SI: variants seen among roughly 807,000 people sequenced by gnomAD.
The protein encoded by SI is sucrase-isomaltase, intestinal.
In SI, 235 loss-of-function variants were observed where a neutral mutation model predicts 253.3. The ratio of observed to expected loss-of-function variants is 0.93; its 90% CI spans 0.83 to 1.03. The LOEUF (loss-of-function observed/expected upper bound fraction) is 1.03. Ranked by LOEUF, SI falls within the 50% of genes least tolerant of loss-of-function variation. SI has a pLI of 0.00. For missense variants in SI, 2,442 were observed against 2,211.1 expected, an observed-to-expected ratio of 1.10 and a Z score of -2.09; for synonymous variants, 819 against 712.0, an observed-to-expected ratio of 1.15 and a Z score of -2.39.
At chr3:165,035,154 A>G (rs948180375) in intron 22 of SI, among the ~76,000 whole-genome samples, 2 of 152,054 alleles carry the variant, frequency 1.3e-5, no homozygotes, top group African/African-American at 4.8e-5. Flanking sequence ...ATTATGTTTT[A>G]GATTTTTATT....
rs762824020 is a variant in SI at position 165,049,178 on chromosome 3, T to C, written c.1664A>G (p.Gln555Arg). 6.2e-7 allele frequency: 1 copy of C among 1,612,654 alleles called. No homozygotes were observed. The highest frequency in any genetic ancestry group is 1.1e-5 in the South Asian group (1 of 91,048). The change falls in exon 15 of 48, where the codon CAG becomes CGG. Residue 555 changes from glutamine to arginine, a missense_variant. Transcript: ENST00000264382. ...TCCATAGAGGCTATGAACATCATAC[T>C]GTTTACCCCAGTTCTGCACAGCATC... is the stretch of plus-strand genomic sequence containing the variant. ...CMDAVQNWGKQYDVHSLYGYS... is the reference protein window; with the variant it reads ...CMDAVQNWGKRYDVHSLYGYS...
intron 33 of SI, among the ~76,000 whole-genome samples, chr3:165,014,546 G>T (rs1231109174): frequency 1.3e-5 from 2 of 152,064 alleles, no homozygotes; most frequent in East Asian, 3.9e-4. Context: ...ACCACGCCTG[G>T]CCCTCATCAT....
At position 165,015,207 on chromosome 3, in the gene SI, T is replaced by A; in HGVS notation, c.3915A>T (p.Thr1305=). 1 of 1,613,386 alleles carries A rather than the reference T, an allele frequency of 6.2e-7. No individual in the cohort carries two copies. Among genetic ancestry groups the A allele is most frequent in the Non-Finnish European group, 8.5e-7 (1 of 1,179,534 alleles). The change falls in exon 33 of 48, where the codon ACA becomes ACT. Residue 1305 remains threonine, a synonymous_variant. Coordinates refer to ENST00000264382, the MANE Select transcript of SI (RefSeq NM_001041.4). The stretch of plus-strand genomic sequence containing the variant: ...CTCTTTCAAATGCAGGGTAAGTCTT[T>A]GTTTCATTTCCTGAAATTGCTGGAT... ...ILDPAISGNE[T]KTYPAFERGQ... is the part of the protein sequence containing the mutation.
chr3:165,002,638 C>T (rs1718307702), intron 37 of SI, among the ~76,000 whole-genome samples: 1 of 151,634 alleles, frequency 6.6e-6, no homozygotes, highest in Admixed American at 6.6e-5. Context: ...AGACTTTACT[C>T]TTCATAATTT....
intron 7 of SI, 78 bp downstream of exon 7, chr3:165,065,183 G>A: frequency 1.1e-6 from 1 of 913,390 alleles, no homozygotes; most frequent in Non-Finnish European, 1.8e-6. Context: ...TAAAATAAAT[G>A]CTGTTTTCAA....
In SI at chr3:165,039,953, G is replaced by A; in HGVS notation, c.2178C>T (p.Asn726=). 1 of 1,612,606 alleles carries A rather than the reference G, an allele frequency of 6.2e-7. No homozygotes were observed. The highest frequency in any genetic ancestry group is 8.5e-7 in the Non-Finnish European group (1 of 1,178,866). ...PVLHEFYEDT[N]SWIEDTEFLW... ...AAAACTCAGTGTCCTCAATCCAGCT[G>A]TTCGTATCCTCATAAAACCTAAGAA... Residue 726 remains asparagine, a synonymous_variant, in exon 19 of 48, where the codon AAC becomes AAT. Coordinates refer to ENST00000264382, the MANE Select transcript of SI (RefSeq NM_001041.4).
In SI at chr3:165,015,105, A is replaced by G; in HGVS notation, c.3999+18T>C. The G allele has an allele frequency of 6.5e-7, 1 of 1,549,760 alleles. No homozygotes were observed. The highest frequency in any genetic ancestry group is 8.9e-7 in the Non-Finnish European group (1 of 1,121,942). ...ATAATTTTTGTATTTATTCTATTTC[A>G]AGATATCGATTTAGTACCTTTGCCC... On this transcript the variant is annotated intron_variant, in intron 33 of 47. Coordinates refer to ENST00000264382, the MANE Select transcript of SI (RefSeq NM_001041.4).
Position 165,039,945 on chromosome 3 carries a change from A to G in SI, c.2186T>C (p.Ile729Thr), listed in dbSNP as rs1404444147. Residue 729 changes from isoleucine (I) to threonine (T), a missense_variant, in exon 19 of 48, where the codon ATT becomes ACT. Physicochemically the swap from Ile to Thr is moderately conservative, Grantham distance 89 (BLOSUM62 -1). Transcript: ENST00000264382. ...HEFYEDTNSW[I>T]EDTEFLWGPA... ...GCCCCACAAAAACTCAGTGTCCTCA[A>G]TCCAGCTGTTCGTATCCTCATAAAA... 2 of 1,613,146 alleles carry G rather than the reference A, an allele frequency of 1.2e-6. No individual in the cohort carries two copies. The highest frequency in any genetic ancestry group is 1.7e-6 in the Non-Finnish European group (2 of 1,179,400).
intron 3 of SI, among the ~76,000 whole-genome samples, chr3:165,070,721 A>G (rs1039115657): frequency 2.4e-4 from 37 of 152,250 alleles, no homozygotes; most frequent in African/African-American, 7.9e-4. Flanking sequence ...AATTAAAAAT[A>G]TATAGTAAAA....
At chr3:165,063,398 T>C in intron 8 of SI, 44 bp downstream of exon 8, 1 of 906,382 alleles carries the variant, frequency 1.1e-6, no homozygotes, top group South Asian at 1.4e-5. Context: ...TTAAAACATT[T>C]CAAGTGAAAT....
At position 165,063,464 on chromosome 3, in the gene SI, A is replaced by T. The variant is rs141754766; in HGVS notation, c.885T>A (p.Phe295Leu). The T allele has an allele frequency of 6.5e-7, 1 of 1,534,768 alleles. No individual in the cohort carries two copies. The highest frequency in any genetic ancestry group is 1.1e-5 in the South Asian group (1 of 88,480). ...TACCCATTGCATTGCTATTCATTAA[A>T]AAAACACCGAATGACTTTCCAGATG... ...EDTSGKSFGV[F>L]LMNSNAMEIF... The change falls in exon 8 of 48, where the codon TTT becomes TTA. Residue 295 changes from phenylalanine (F) to leucine (L), a missense_variant. Physicochemically the swap from Phe to Leu is conservative, Grantham distance 22. Transcript: ENST00000264382.
In SI at chr3:165,072,976, T is replaced by G. The variant is rs192748811; in HGVS notation, c.255+1555A>C. 1.5e-4 allele frequency among the ~76,000 whole-genome samples: 23 copies of G among 152,266 alleles called. 1 individual carries two copies. Among genetic ancestry groups the G allele is most frequent in the African/African-American group, 4.8e-4 (20 of 41,568 alleles). On this transcript the variant is annotated intron_variant, in intron 3 of 47. Coordinates refer to ENST00000264382, the MANE Select transcript of SI (RefSeq NM_001041.4). The stretch of plus-strand genomic sequence containing the variant: ...AAGCATAAATATATTGGCTGAAGTT[T>G]AACTTGCTTACTTCACAAATATAGT...
intron 3 of SI, among the ~76,000 whole-genome samples, chr3:165,071,897 G>A (rs138603595): frequency 1.5e-3 from 231 of 152,206 alleles, no homozygotes; most frequent in African/African-American, 5.2e-3. Flanking sequence ...TATTGTTTAA[G>A]CTGCCCATTC....
At chr3:165,026,331 A>G (rs771081998) in intron 25 of SI, among the ~76,000 whole-genome samples, 17 of 151,438 alleles carry the variant, frequency 1.1e-4, no homozygotes, top group Non-Finnish European at 1.9e-4. Flanking sequence ...CAAATTTATA[A>G]AACAATTACT....
intron 37 of SI, among the ~76,000 whole-genome samples, chr3:165,001,777 T>G (rs1418888749): frequency 6.6e-6 from 1 of 151,420 alleles, no homozygotes; most frequent in Non-Finnish European, 1.5e-5. Flanking sequence ...AGGTATACTG[T>G]GTTTGTTTTT....
chr3:164,994,098 C>A (rs912512304), intron 41 of SI, among the ~76,000 whole-genome samples, 159 bp downstream of exon 41: 5 of 151,558 alleles, frequency 3.3e-5, no homozygotes, highest in Non-Finnish European at 1.5e-5. Context: ...TATTAATGGA[C>A]ATATTTGTGT....
intron 25 of SI, among the ~76,000 whole-genome samples, chr3:165,028,543 T>A (rs1255010595): frequency 1.3e-5 from 2 of 151,534 alleles, no homozygotes; most frequent in Non-Finnish European, 3.0e-5. Flanking sequence ...CAAACTATAC[T>A]ATAAAGCCAT....
intron 34 of SI, among the ~76,000 whole-genome samples, 192 bp downstream of exon 34, chr3:165,012,788 C>T (rs1718830741): frequency 6.6e-6 from 1 of 151,998 alleles, no homozygotes; most frequent in Non-Finnish European, 1.5e-5. Context: ...TATAAAATTG[C>T]TTAATAGGGT....
chr3:165,055,414 A>T, intron 12 of SI, 107 bp from the exon 13 acceptor site: 1 of 684,298 alleles, frequency 1.5e-6, no homozygotes, highest in Non-Finnish European at 2.5e-6. Flanking sequence ...AAGTTATTCT[A>T]CTTCTTTAGG....
Sources: allele counts gnomAD v4.1 joint callset (sites outside exome capture counted in the v4.1 genomes callset), GRCh38; gene constraint gnomAD v4.1.1; transcripts MANE v1.5; gene names NCBI Gene and HGNC (gene_info 2026-07-23, HGNC 2026-07-21).